The following MAGI2 variants were observed in gnomAD, a reference collection of about 807,000 sequenced individuals.
MAGI2 encodes membrane-associated guanylate kinase, WW and PDZ domain-containing protein 2.
Under a neutral mutation model 133.3 loss-of-function variants are expected in MAGI2, and 35 were observed. The ratio of observed to expected loss-of-function variants is 0.26; its 90% CI spans 0.20 to 0.35. The LOEUF is 0.35. Ranked by LOEUF, MAGI2 falls within the 10% of genes least tolerant of loss-of-function variation. The probability of loss-of-function intolerance (pLI) is 1.00; values close to 1 mark genes in which losing one functional copy is unlikely to be tolerated. For missense variants in MAGI2, 1,636 were observed against 1,863.4 expected, an observed-to-expected ratio of 0.88 and a Z score of 2.25; for synonymous variants, 729 against 710.6, an observed-to-expected ratio of 1.03 and a Z score of -0.41.
At chr7:78,853,405 G>A (rs1793341804) in intron 2 of MAGI2, among the ~76,000 whole-genome samples, 1 of 120,482 alleles carries the variant, frequency 8.3e-6, no homozygotes, top group Admixed American at 1.1e-4. Context: ...GTCCAGGCTG[G>A]AGTGCAGTAG....
intron 9 of MAGI2, among the ~76,000 whole-genome samples, chr7:78,275,427 T>C (rs1244336737): frequency 6.6e-6 from 1 of 152,162 alleles, no homozygotes; most frequent in Non-Finnish European, 1.5e-5. Context: ...TATCTTGACA[T>C]AACAGTCTTG....
chr7:79,336,093 GA>G (rs1467765063), intron 1 of MAGI2, among the ~76,000 whole-genome samples: 3 of 152,022 alleles, frequency 2.0e-5, no homozygotes, highest in Non-Finnish European at 4.4e-5. Flanking sequence ...TGATAATTCA[GA>G]AGGACAAAAA....
chr7:78,725,445 A>G lies in MAGI2; in HGVS notation c.419-98206T>C, dbSNP rs10230501. Among the ~76,000 whole-genome samples the G allele has an allele frequency of 8.9e-3, 1,362 of 152,326 alleles. 27 individuals are homozygous for G. Among genetic ancestry groups the G allele is most frequent in the African/African-American group, 0.031 (1,303 of 41,568 alleles). On this transcript the variant is annotated intron_variant, in intron 2 of 21. Coordinates refer to ENST00000354212, the MANE Select transcript of MAGI2 (RefSeq NM_012301.4). The stretch of plus-strand genomic sequence containing the variant: ...CATCACAGCACTGAAAACACGCACT[A>G]TGCAACTGTTTACCAAGTATTAACT...
intron 6 of MAGI2, among the ~76,000 whole-genome samples, chr7:78,385,994 C>G (rs148430970): frequency 2.6e-4 from 1 of 3,900 alleles, no homozygotes; most frequent in Non-Finnish European, 3.9e-4. Flanking sequence ...CAGAGCAAAA[C>G]TTCCCCCCCT....
intron 7 of MAGI2, among the ~76,000 whole-genome samples, chr7:78,356,897 C>G (rs1046320463): frequency 6.6e-6 from 1 of 152,210 alleles, no homozygotes; most frequent in Non-Finnish European, 1.5e-5. Context: ...ATCTTTCAGA[C>G]CAAACCAGCA....
intron 1 of MAGI2, among the ~76,000 whole-genome samples, chr7:79,448,498 A>T (rs10261608): frequency 6.6e-6 from 1 of 151,868 alleles, no homozygotes; most frequent in Admixed American, 6.6e-5. Flanking sequence ...GACACTACAC[A>T]CTTTAAATAC....
chr7:78,619,341 A>G (rs1243852970), intron 3 of MAGI2, among the ~76,000 whole-genome samples: 1 of 151,770 alleles, frequency 6.6e-6, no homozygotes, highest in East Asian at 1.9e-4. Context: ...ATTGTGAGAG[A>G]GTCAAAGAAG....
intron 3 of MAGI2, among the ~76,000 whole-genome samples, chr7:78,535,638 T>C (rs751957263): frequency 9.9e-5 from 15 of 152,120 alleles, no homozygotes; most frequent in Non-Finnish European, 2.2e-4. Flanking sequence ...TGGGAGGAAC[T>C]TACAGTTTAA....
intron 17 of MAGI2, among the ~76,000 whole-genome samples, chr7:78,133,395 G>T (rs1821770763): frequency 6.6e-6 from 1 of 152,188 alleles, no homozygotes; most frequent in Non-Finnish European, 1.5e-5. Flanking sequence ...AGCATCGCTT[G>T]CTGAGAGAAA....
At chr7:79,078,802 C>T (rs767463782) in intron 1 of MAGI2, among the ~76,000 whole-genome samples, 3 of 152,006 alleles carry the variant, frequency 2.0e-5, no homozygotes, top group Non-Finnish European at 4.4e-5. Flanking sequence ...TCAATGGGTA[C>T]GTTAGCCCAT....
chr7:79,112,441 A>G (rs1819010165), intron 1 of MAGI2, among the ~76,000 whole-genome samples: 2 of 152,148 alleles, frequency 1.3e-5, no homozygotes, highest in Admixed American at 1.3e-4. Context: ...CAATTTCTCT[A>G]TCTCTTCAAC....
chr7:78,076,013 G>A (rs1279673806), intron 21 of MAGI2, among the ~76,000 whole-genome samples: 1 of 152,092 alleles, frequency 6.6e-6, no homozygotes, highest in African/African-American at 2.4e-5. Flanking sequence ...AGTTTTTACA[G>A]TCAAAATCCA....
chr7:78,814,277 A>G (rs1423676445), intron 2 of MAGI2, among the ~76,000 whole-genome samples: 3 of 152,198 alleles, frequency 2.0e-5, no homozygotes, highest in Non-Finnish European at 2.9e-5. Flanking sequence ...ATTCATCAAC[A>G]TTGTAAATTA....
Position 78,160,239 on chromosome 7 carries a change from G to C in MAGI2, c.2631C>G (p.Gly877=). 1.9e-5 allele frequency: 30 copies of C among 1,605,304 alleles called. No homozygotes were observed. Among genetic ancestry groups the C allele is most frequent in the Non-Finnish European group, 2.5e-5 (29 of 1,175,134 alleles). Residue 877 remains glycine, a synonymous_variant, in exon 16 of 22, where the codon GGC becomes GGG. Transcript: ENST00000354212. ...EPCPENGRSP[G]SVSTHHSSPR... is the part of the protein sequence containing the mutation. ...GAGAGCTGTGGTGGGTGGATACAGA[G>C]CCTGGACTTCTCCCGTTCTCTGGGC... is the stretch of plus-strand genomic sequence containing the variant.
At chr7:78,706,994 C>T (rs551396860) in intron 2 of MAGI2, among the ~76,000 whole-genome samples, 164 of 152,188 alleles carry the variant, frequency 1.1e-3, no homozygotes, top group African/African-American at 3.1e-3. Flanking sequence ...TTTCAGCCTC[C>T]TTTGTACTGA....
chr7:78,900,160 C>A (rs1013946664), intron 2 of MAGI2, among the ~76,000 whole-genome samples: 1 of 152,180 alleles, frequency 6.6e-6, no homozygotes, highest in African/African-American at 2.4e-5. Context: ...CTGCCACTCA[C>A]GTCCAAACCA....
At position 78,761,169 on chromosome 7, in the gene MAGI2, G is replaced by A. The variant is rs187273108; in HGVS notation, c.419-133930C>T. On this transcript the variant is annotated intron_variant, in intron 2 of 21. Transcript: ENST00000354212. The stretch of plus-strand genomic sequence containing the variant: ...CTGTTACACCTCATTAGCAGTCAGT[G>A]TATATAATAGAAGTTGGTCTGGGAA... 2.9e-4 allele frequency among the ~76,000 whole-genome samples: 44 copies of A among 152,340 alleles called. 1 individual carries two copies. The highest frequency in any genetic ancestry group is 2.4e-3 in the Admixed American group (36 of 15,302).
chr7:79,070,992 G>T (rs762980777), intron 1 of MAGI2, among the ~76,000 whole-genome samples: 1 of 152,072 alleles, frequency 6.6e-6, no homozygotes, highest in African/African-American at 2.4e-5. Context: ...CTTTGCTGGC[G>T]AGGAGTTGTG....
rs140446288 is a variant in MAGI2, at chr7:79,390,717, T to C, written c.301+62303A>G. On this transcript the variant is annotated intron_variant, in intron 1 of 21. Transcript: ENST00000354212. ...GTTCCGTGCAATCCCCTCTTCCTATTCTTCGAAGCGTGGATTTTATGAACT... is the reference window on the plus strand; with the variant it reads ...GTTCCGTGCAATCCCCTCTTCCTATCCTTCGAAGCGTGGATTTTATGAACT... Among the ~76,000 whole-genome samples the C allele has an allele frequency of 2.4e-3, 360 of 152,298 alleles. 3 individuals are homozygous for C. The highest frequency in any genetic ancestry group is 8.1e-3 in the African/African-American group (338 of 41,572).
Sources: allele counts gnomAD v4.1 joint callset (sites outside exome capture counted in the v4.1 genomes callset), GRCh38; gene constraint gnomAD v4.1.1; transcripts MANE v1.5; gene names NCBI Gene and HGNC (gene_info 2026-07-23, HGNC 2026-07-21).